HPGDS: variants seen among roughly 807,000 people sequenced by gnomAD.
HPGDS encodes the protein hematopoietic prostaglandin D synthase.
HPGDS carries 26 observed loss-of-function variants against 23.1 expected under a neutral mutation model. The ratio of observed to expected loss-of-function variants is 1.13; its 90% CI spans 0.83 to 1.56. The LOEUF (loss-of-function observed/expected upper bound fraction) is 1.56. Ranked by LOEUF, HPGDS falls within the 40% of genes most tolerant of loss-of-function variation. The pLI is 0.00. For synonymous variants in HPGDS, 95 were observed against 77.9 expected, an observed-to-expected ratio of 1.22 and a Z score of -1.16; for missense variants, 268 against 236.4, an observed-to-expected ratio of 1.13 and a Z score of -0.88.
In HPGDS at chr4:94,304,050, A is replaced by G. The variant is rs981637404; in HGVS notation, c.337-1806T>C. On this transcript the variant is annotated intron_variant, in intron 4 of 5. Transcript: ENST00000295256. ...CTTTTTTTTTCCAGATATATTTTAAAAAACACATTTCCTGATCCATCCTAG... is the reference window on the plus strand; with the variant it reads ...CTTTTTTTTTCCAGATATATTTTAAGAAACACATTTCCTGATCCATCCTAG... The G allele has an allele frequency of 6.6e-5, 10 of 152,078 alleles. No individual in the cohort carries two copies. The South Asian group carries it at 2.1e-3, about 32-fold the overall frequency. 9.4% of individuals were successfully genotyped at this position (152,078 alleles called of 1,614,324 possible).
rs1211388943 is a variant in HPGDS at position 94,330,793 on chromosome 4, C to G, written c.133+3704G>C. ...GTGTTTGTATCATAGTTTTAATTTT[C>G]AAGAACTGTTTGTCTCTGAATATTT... is the stretch of plus-strand genomic sequence containing the variant. On this transcript the variant is annotated intron_variant, in intron 2 of 5. Transcript: ENST00000295256. Among the ~76,000 whole-genome samples, 3 of 151,948 alleles carry G rather than the reference C, an allele frequency of 2.0e-5. No individual in the cohort carries two copies. The East Asian group carries it at 5.8e-4, about 29-fold the overall frequency.
intron 1 of HPGDS, 91 bp from the exon 2 acceptor site, chr4:94,334,729 A>T: frequency 2.7e-6 from 3 of 1,127,102 alleles, no homozygotes; most frequent in Non-Finnish European, 2.5e-6. Context: ...ACTTTATGGC[A>T]TCTCTTGAGA....
chr4:94,314,185 G>A (rs1245891808), intron 3 of HPGDS, among the ~76,000 whole-genome samples: 1 of 152,208 alleles, frequency 6.6e-6, no homozygotes, highest in Non-Finnish European at 1.5e-5. Flanking sequence ...CTGGTGAGGA[G>A]CTGCGTTCCT....
chr4:94,301,570 T>C (rs925127754), intron 5 of HPGDS, among the ~76,000 whole-genome samples: 2 of 152,202 alleles, frequency 1.3e-5, no homozygotes, highest in Non-Finnish European at 2.9e-5. Context: ...AATGGATATT[T>C]ACTTGACCTT....
intron 3 of HPGDS, among the ~76,000 whole-genome samples, chr4:94,308,960 A>G (rs531206943): frequency 1.3e-4 from 20 of 151,724 alleles, no homozygotes; most frequent in Non-Finnish European, 2.1e-4. Context: ...TGAAAATACA[A>G]GCAAATAAAA....
Position 94,317,896 on chromosome 4 carries a change from G to T in HPGDS, c.203C>A (p.Ala68Glu). The change falls in exon 3 of 6, where the codon GCA (alanine) becomes GAA (glutamate). Residue 68 changes from alanine to glutamate, a missense_variant. Coordinates refer to ENST00000295256, the MANE Select transcript of HPGDS (RefSeq NM_014485.3). ...GLTLHQSLAIARYLTKNTDLA... is the reference protein window; with the variant it reads ...GLTLHQSLAIERYLTKNTDLA... Reference sequence around the variant, plus strand: ...ACCTGTGTTTTTGGTCAAATATCTTGCTATTGCTAGGCTCTGGTGAAGAGT... The same window carrying T: ...ACCTGTGTTTTTGGTCAAATATCTTTCTATTGCTAGGCTCTGGTGAAGAGT... 1 of 1,609,656 alleles carries T rather than the reference G, an allele frequency of 6.2e-7. No homozygotes were observed. The highest frequency in any genetic ancestry group is 8.5e-7 in the Non-Finnish European group (1 of 1,176,982).
intron 1 of HPGDS, among the ~76,000 whole-genome samples, chr4:94,340,313 T>TTCTTTCTTTCTTTTTC (rs1721129735): frequency 5.7e-5 from 1 of 17,610 alleles, no homozygotes; most frequent in Non-Finnish European, 1.1e-4. Context: ...TTCTTTCTCT[T>TTCTTTCTTTCTTTTTC]TTTTTTTTTT....
rs1756586624 is a variant in HPGDS at position 94,324,447 on chromosome 4, T to C, written c.134-6482A>G. ...CATAGTCGCATGTTTCTTGGAGACT[T>C]TGTTCATTTCTTTTTACTCTTTTCT... On this transcript the variant is annotated intron_variant, in intron 2 of 5. Coordinates refer to ENST00000295256, the MANE Select transcript of HPGDS (RefSeq NM_014485.3). Among the ~76,000 whole-genome samples, 4 of 152,168 alleles carry C rather than the reference T, an allele frequency of 2.6e-5. No homozygotes were observed. The South Asian group carries it at 8.3e-4, about 32-fold the overall frequency.
intron 3 of HPGDS, among the ~76,000 whole-genome samples, chr4:94,313,695 A>T (rs1432433700): frequency 6.6e-6 from 1 of 152,130 alleles, no homozygotes; most frequent in Non-Finnish European, 1.5e-5. Context: ...GCTTTGCTGG[A>T]TTGGGGAAGT....
chr4:94,308,628 C>T lies in HPGDS; in HGVS notation c.336+6G>A. ...AATACTAGGAATAGCAAATGGATCA[C>T]ATTACTTTCACATCTTGCTTTTTCT... On this transcript the variant is annotated splice_donor_region_variant and intron_variant, in intron 4 of 5. Coordinates refer to ENST00000295256, the MANE Select transcript of HPGDS (RefSeq NM_014485.3). 1 of 1,492,602 alleles carries T rather than the reference C, an allele frequency of 6.7e-7. No individual in the cohort carries two copies. Among genetic ancestry groups the T allele is most frequent in the South Asian group, 1.1e-5 (1 of 87,148 alleles). 92.5% of individuals were successfully genotyped at this position (1,492,602 alleles called of 1,614,324 possible). A position where few individuals can be genotyped will look rare whatever the true frequency, so the allele number is the denominator to read the frequency against.
chr4:94,313,758 A>G (rs1326467891), intron 3 of HPGDS, among the ~76,000 whole-genome samples: 5 of 151,506 alleles, frequency 3.3e-5, no homozygotes, highest in Admixed American at 6.6e-5. Flanking sequence ...CATTCTCCCC[A>G]TCACTTTCAG....
chr4:94,308,462 G>A (rs1294369573), intron 4 of HPGDS, among the ~76,000 whole-genome samples, 172 bp downstream of exon 4: 5 of 152,104 alleles, frequency 3.3e-5, no homozygotes, highest in Non-Finnish European at 7.4e-5. Flanking sequence ...GAGTTAATGT[G>A]AAGGGGTACA....
intron 2 of HPGDS, among the ~76,000 whole-genome samples, chr4:94,329,642 C>T (rs1050728657): frequency 6.6e-6 from 1 of 152,120 alleles, no homozygotes; most frequent in Non-Finnish European, 1.5e-5. Context: ...TAATTTTGTT[C>T]GCATTAGAGC....
rs766456364 is a variant in HPGDS, at chr4:94,302,148, A to G, written c.433T>C (p.Ser145Pro). The change falls in exon 5 of 6, where the codon TCT becomes CCT. Residue 145 changes from serine to proline, a missense_variant and splice_region_variant. By Grantham distance (74) the Ser-to-Pro change is moderately conservative. Coordinates refer to ENST00000295256, the MANE Select transcript of HPGDS (RefSeq NM_014485.3). ...LGGREWLIGNSVTWADFYWEI... is the reference protein window; with the variant it reads ...LGGREWLIGNPVTWADFYWEI... The stretch of plus-strand genomic sequence containing the variant: ...TTTAAGATATAAAACATACTCACAG[A>G]GTTACCAATAAGCCATTCTCTCCCC... 9 of 1,593,588 alleles carry G rather than the reference A, an allele frequency of 5.6e-6. No homozygotes were observed. The African/African-American group carries it at 1.2e-4, about 21-fold the overall frequency.
intron 1 of HPGDS, among the ~76,000 whole-genome samples, chr4:94,340,841 TTTTC>T (rs1283667164): frequency 7.6e-6 from 1 of 132,438 alleles, no homozygotes; most frequent in Non-Finnish European, 1.6e-5. Context: ...TTCTTTTTTT[TTTTC>T]TTTCTTTTTT....
At chr4:94,320,447 C>T (rs936414057) in intron 2 of HPGDS, among the ~76,000 whole-genome samples, 20 of 152,226 alleles carry the variant, frequency 1.3e-4, no homozygotes, top group East Asian at 1.2e-3. Flanking sequence ...TTTTAATGAT[C>T]GCCATTCTAA....
intron 1 of HPGDS, among the ~76,000 whole-genome samples, chr4:94,340,166 C>T (rs1219948342): frequency 6.6e-6 from 1 of 151,698 alleles, no homozygotes; most frequent in African/African-American, 2.4e-5. Context: ...CCATGTTGGC[C>T]AGGATGGTCT....
chr4:94,338,332 C>T (rs532075316), intron 1 of HPGDS, among the ~76,000 whole-genome samples: 5 of 151,854 alleles, frequency 3.3e-5, no homozygotes, highest in South Asian at 4.2e-4. Flanking sequence ...GGCTAAGGCA[C>T]GAGAATTGCT....
At chr4:94,329,071 G>T (rs1254338741) in intron 2 of HPGDS, among the ~76,000 whole-genome samples, 1 of 152,106 alleles carries the variant, frequency 6.6e-6, no homozygotes, top group African/African-American at 2.4e-5. Flanking sequence ...ACATGAGTTG[G>T]GATGCCTTAT....
Sources: gnomAD v4.1 joint callset for allele counts (sites outside exome capture counted in the v4.1 genomes callset) on GRCh38, gnomAD v4.1.1 for gene constraint, MANE v1.5 for transcripts, NCBI Gene and HGNC (gene_info 2026-07-23, HGNC 2026-07-21) for gene names.